DST: variants seen among roughly 807,000 people sequenced by gnomAD.
The protein encoded by DST is dystonin.
Under a neutral mutation model 875.2 loss-of-function variants are expected in DST, and 253 were observed. That is an observed-to-expected ratio of 0.29 (90% CI 0.26 to 0.32). The LOEUF (loss-of-function observed/expected upper bound fraction) is 0.32, where lower values mean the gene tolerates loss of function less well. DST is among the 10% of genes least tolerant of loss of function. DST has a pLI of 1.00. For synonymous variants in DST, 3,124 were observed against 3,197.1 expected, an observed-to-expected ratio of 0.98 and a Z score of 0.77; for missense variants, 8,287 against 9,111.6, an observed-to-expected ratio of 0.91 and a Z score of 3.68.
At chr6:56,672,067 G>A (rs1002577856) in intron 9 of DST, among the ~76,000 whole-genome samples, 3 of 151,984 alleles carry the variant, frequency 2.0e-5, no homozygotes, top group Non-Finnish European at 2.9e-5. Context: ...TGAAAGTAGA[G>A]AATTAAAAAA....
rs769979450 is a variant in DST at position 56,463,780 on chromosome 6, A to C, written c.22760-16T>G. ...CTTCCTTTGGCTGGGTTATACACAC[A>C]CAACAATGCACACAAAGAAAAGACG... is the stretch of plus-strand genomic sequence containing the variant. On this transcript the variant is annotated splice_polypyrimidine_tract_variant and intron_variant, in intron 100 of 103. Transcript: ENST00000680361. 1.2e-6 allele frequency: 2 copies of C among 1,613,300 alleles called. No homozygotes were observed. The highest frequency in any genetic ancestry group is 1.7e-6 in the Non-Finnish European group (2 of 1,179,344).
intron 37 of DST, among the ~76,000 whole-genome samples, chr6:56,612,246 C>T (rs185507363): frequency 5.1e-4 from 77 of 152,206 alleles, no homozygotes; most frequent in Non-Finnish European, 1.0e-3. Context: ...GTGGCTCATG[C>T]CTGTAGTCCA....
chr6:56,648,607 G>A lies in DST; in HGVS notation c.1517C>T (p.Ser506Phe), dbSNP rs1177995136. The A allele has an allele frequency of 6.3e-7, 1 of 1,589,758 alleles. No individual in the cohort carries two copies. The highest frequency in any genetic ancestry group is 8.6e-7 in the Non-Finnish European group (1 of 1,165,902). Residue 506 changes from serine to phenylalanine, a missense_variant, in exon 13 of 104, where the codon TCT becomes TTT. Ser to Phe is a radical substitution (Grantham distance 155). This residue lies in a region of DST where 1,160 missense variants were observed against 1,424.3 expected (regional missense o/e 0.81). Transcript: ENST00000680361. ...AGGATTATTAGGAAATGTTCTCTCA[G>A]ACATTGTGGTCACATGGTGTCTAAT... ...QWIRHHVTTM[S>F]ERTFPNNPVE...
intron 3 of DST, among the ~76,000 whole-genome samples, chr6:56,877,547 C>T (rs1780115171): frequency 1.3e-5 from 2 of 152,150 alleles, no homozygotes; most frequent in Non-Finnish European, 2.9e-5. Context: ...CAGAGTGAGA[C>T]TCCATCTGAA....
intron 3 of DST, among the ~76,000 whole-genome samples, chr6:56,898,064 T>C (rs1792311850): frequency 6.6e-6 from 1 of 152,196 alleles, no homozygotes; most frequent in African/African-American, 2.4e-5. Context: ...TAAACTCTCT[T>C]CAGTTAAATC....
chr6:56,752,879 C>T (rs1339036491), intron 4 of DST, among the ~76,000 whole-genome samples: 1 of 152,046 alleles, frequency 6.6e-6, no homozygotes, highest in Non-Finnish European at 1.5e-5. Flanking sequence ...GCAACCTCTG[C>T]CTCCCGGGTT....
At chr6:56,949,301 A>G (rs1012603866) in intron 2 of DST, among the ~76,000 whole-genome samples, 3 of 152,230 alleles carry the variant, frequency 2.0e-5, no homozygotes, top group Non-Finnish European at 2.9e-5. Context: ...AGCTAAAGTC[A>G]GCGTTAATTA....
chr6:56,785,998 T>C (rs1299328033), intron 4 of DST: 1 of 152,242 alleles, frequency 6.6e-6, no homozygotes. Flanking sequence ...ATTATCATTC[T>C]ATTAAACTTT....
chr6:56,598,576 T>A lies in DST; in HGVS notation c.11828A>T (p.Glu3943Val), dbSNP rs1185641296. Residue 3943 changes from glutamate (E) to valine (V), a missense_variant, in exon 46 of 104, where the codon GAA becomes GTA. Around this residue, in one of 10 missense-constraint regions of DST, gnomAD observed 1,513 missense variants for 1,677.8 expected, o/e 0.90. Transcript: ENST00000680361. ...DKALIEQKLN[E>V]AKIKCEQLNL... Reference sequence around the variant, plus strand: ...AAGCTGTTCACACTTTATCTTAGCTTCATTAAGTTTCTGTTCAATCAAAGC... The same window carrying A: ...AAGCTGTTCACACTTTATCTTAGCTACATTAAGTTTCTGTTCAATCAAAGC... 6.2e-7 allele frequency: 1 copy of A among 1,612,516 alleles called. No homozygotes were observed. The highest frequency in any genetic ancestry group is 1.3e-5 in the African/African-American group (1 of 74,902).
chr6:56,928,831 A>G (rs1808605800), intron 2 of DST, among the ~76,000 whole-genome samples: 1 of 152,172 alleles, frequency 6.6e-6, no homozygotes, highest in African/African-American at 2.4e-5. Context: ...AATCACAACC[A>G]AAATAAAATA....
At chr6:56,511,503 C>T in intron 72 of DST, 103 bp from the exon 73 acceptor site, 1 of 894,410 alleles carries the variant, frequency 1.1e-6, no homozygotes, top group African/African-American at 1.7e-5. Flanking sequence ...TCCAAACAAA[C>T]CCCTCCCCAT....
At position 56,934,644 on chromosome 6, in the gene DST, G is replaced by C. The variant is rs1179274102; in HGVS notation, c.216+19141C>G. Among the ~76,000 whole-genome samples the C allele has an allele frequency of 3.4e-5, 5 of 146,236 alleles. No homozygotes were observed. The Admixed American group carries it at 3.4e-4, about 10-fold the overall frequency. On this transcript the variant is annotated intron_variant, in intron 2 of 103. Transcript: ENST00000680361. ...AGAGAGAGAATATGACATGGAGAGAGAGAATTAAGGCACACTAATGTCTCC... is the reference window on the plus strand; with the variant it reads ...AGAGAGAGAATATGACATGGAGAGACAGAATTAAGGCACACTAATGTCTCC...
At chr6:56,464,663 G>T in intron 100 of DST, 22 bp downstream of exon 100, 1 of 1,519,202 alleles carries the variant, frequency 6.6e-7, no homozygotes, top group Non-Finnish European at 9.0e-7. Flanking sequence ...AGAGGGGAGA[G>T]GCAAAGAGAG....
At chr6:56,550,458 T>C (rs2097303917) in intron 61 of DST, among the ~76,000 whole-genome samples, 1 of 152,218 alleles carries the variant, frequency 6.6e-6, no homozygotes. Flanking sequence ...TGTTACTTAT[T>C]TGGGACTTTG....
At chr6:56,575,207 T>C (rs1163634381) in intron 50 of DST, among the ~76,000 whole-genome samples, 1 of 151,934 alleles carries the variant, frequency 6.6e-6, no homozygotes, top group Non-Finnish European at 1.5e-5. Flanking sequence ...AAACTACTAG[T>C]TGGGGGAGAG....
intron 4 of DST, among the ~76,000 whole-genome samples, chr6:56,759,007 C>T (rs768232094): frequency 1.3e-5 from 2 of 152,214 alleles, no homozygotes; most frequent in Non-Finnish European, 2.9e-5. Flanking sequence ...CCAGCCCTGG[C>T]TGACCTCATG....
Position 56,458,980 on chromosome 6 carries a change from A to G in DST, c.*25T>C. On this transcript the variant is annotated 3_prime_UTR_variant, in exon 104 of 104. Coordinates refer to ENST00000680361, the MANE Select transcript of DST (RefSeq NM_001374736.1). ...AAACTTAAATAATAAATGCTCAAGG[A>G]AGGGCCTTGGTAGAACCAATTGCAC... 6.5e-7 allele frequency: 1 copy of G among 1,531,446 alleles called. No individual in the cohort carries two copies. Among genetic ancestry groups the G allele is most frequent in the Non-Finnish European group, 8.8e-7 (1 of 1,136,692 alleles). The allele number at this position is 1,531,446 out of a possible 1,614,324, so 94.9% of individuals were successfully genotyped here.
intron 92 of DST, among the ~76,000 whole-genome samples, chr6:56,475,010 CAT>C (rs1305343771): frequency 2.2e-5 from 3 of 134,250 alleles, no homozygotes; most frequent in Non-Finnish European, 4.8e-5. Flanking sequence ...TATATTATGA[CAT>C]AATACATCCA....
rs1485409175 is a variant in DST, at chr6:56,689,671, TCACCTACAGAG to T, written c.1047+9971_1047+9981del. ...CTATCCAACGTCCTGACCCTTAGAA[TCACCTACAGAG>T]CACCCACCCTTATCTATTACATTAG... On this transcript the variant is annotated intron_variant, in intron 9 of 103. Coordinates refer to ENST00000680361, the MANE Select transcript of DST (RefSeq NM_001374736.1). Among the ~76,000 whole-genome samples the T allele has an allele frequency of 5.3e-5, 8 of 152,214 alleles. No individual in the cohort carries two copies. The East Asian group carries it at 1.5e-3, about 29-fold the overall frequency.
Sources: allele counts gnomAD v4.1 joint callset (sites outside exome capture counted in the v4.1 genomes callset), GRCh38; gene constraint gnomAD v4.1.1; regional missense constraint gnomAD v4.1.1; transcripts MANE v1.5; gene names NCBI Gene and HGNC (gene_info 2026-07-23, HGNC 2026-07-21).